Variants in BICRAL observed in about 807,000 individuals in gnomAD.
The protein encoded by BICRAL is BRD4-interacting chromatin-remodeling complex-associated protein-like.
In BICRAL, 8 loss-of-function variants were observed where a neutral mutation model predicts 91.8. The ratio of observed to expected loss-of-function variants is 0.09; its 90% confidence interval spans 0.05 to 0.16. The LOEUF is 0.16. BICRAL is among the 10% of genes least tolerant of loss of function. The pLI is 1.00. For missense variants in BICRAL, 1,038 were observed against 1,310.9 expected, an observed-to-expected ratio of 0.79 and a Z score of 3.21; for synonymous variants, 445 against 491.1, an observed-to-expected ratio of 0.91 and a Z score of 1.24.
At chr6:42,821,879 T>C (rs1764146909) in intron 2 of BICRAL, 139 bp from the exon 3 acceptor site, 1 of 477,982 alleles carries the variant, frequency 2.1e-6, no homozygotes, top group Admixed American at 3.6e-5. Flanking sequence ...AAAATTACAT[T>C]AATATTAAGC....
chr6:42,814,499 GTATA>G (rs1554278814), intron 2 of BICRAL, among the ~76,000 whole-genome samples: 1 of 61,270 alleles, frequency 1.6e-5, no homozygotes, highest in African/African-American at 7.9e-5. Context: ...GTGTGTGTGT[GTATA>G]TATATATATA....
intron 2 of BICRAL, among the ~76,000 whole-genome samples, chr6:42,816,489 C>A (rs6938959): frequency 1 from 152,059 of 152,162 alleles, 75,978 homozygotes; most frequent in Middle Eastern, 1. Flanking sequence ...TGCAGTGGCA[C>A]GATCACGGCT....
At chr6:42,760,613 C>G (rs900731333) in intron 1 of BICRAL, among the ~76,000 whole-genome samples, 1 of 151,808 alleles carries the variant, frequency 6.6e-6, no homozygotes, top group Non-Finnish European at 1.5e-5. Flanking sequence ...GCTATGTTGC[C>G]CAGGCTGGTC....
chr6:42,823,090 A>G (rs1764191215), intron 5 of BICRAL, 87 bp downstream of exon 5: 1 of 758,548 alleles, frequency 1.3e-6, no homozygotes, highest in Non-Finnish European at 2.3e-6. Flanking sequence ...CCTTTGTATC[A>G]TGAGAATCCT....
rs535447829 is a variant in BICRAL, at chr6:42,866,122, T to G, written c.*676T>G. ...ATTGATGGTTCAAGTGCTTTTCTGA[T>G]GCTTCCGGAGCAAAACCTCATGCTT... is the stretch of plus-strand genomic sequence containing the variant. On this transcript the variant is annotated 3_prime_UTR_variant, in exon 13 of 13. Coordinates refer to ENST00000314073, the MANE Select transcript of BICRAL (RefSeq NM_001393499.1). 6.6e-6 allele frequency: 1 copy of G among 152,510 alleles called. No homozygotes were observed. The highest frequency in any genetic ancestry group is 6.5e-5 in the Admixed American group (1 of 15,300). The allele number at this position is 152,510 out of a possible 1,614,324, so 9.4% of individuals were successfully genotyped here.
At position 42,822,975 on chromosome 6, in the gene BICRAL, A is replaced by G. The variant is rs375868433; in HGVS notation, c.131A>G (p.Asn44Ser). ...ACTAATGCAGGATATTCTGCAGCCA[A>G]TTCAAATTCAATTTTCGCCAACTCT... The part of the protein sequence containing the change: ...DLTNAGYSAA[N>S]SNSIFANSSN... Residue 44 changes from asparagine to serine, a missense_variant, in exon 5 of 13, where the codon AAT becomes AGT. By Grantham distance (46) the Asn-to-Ser change is conservative. Transcript: ENST00000314073. 11 of 1,611,288 alleles carry G rather than the reference A, an allele frequency of 6.8e-6. No individual in the cohort carries two copies. In the African/African-American group the frequency reaches 1.1e-4, roughly 16 times the overall value.
chr6:42,779,963 T>C (rs75152407), upstream of BICRAL, among the ~76,000 whole-genome samples: 206 of 152,308 alleles, frequency 1.4e-3, 7 homozygotes, highest in East Asian at 0.038. Flanking sequence ...TCTGTCAGCC[T>C]GCCCATAGCT....
intron 1 of BICRAL, among the ~76,000 whole-genome samples, chr6:42,760,276 T>G (rs1225365778): frequency 1.3e-5 from 2 of 149,692 alleles, no homozygotes; most frequent in Non-Finnish European, 3.0e-5. Context: ...AAAAAAAAAT[T>G]GGGAGGCCGA....
chr6:42,782,784 G>T (rs1418964111), intron 1 of BICRAL, among the ~76,000 whole-genome samples: 3 of 152,014 alleles, frequency 2.0e-5, no homozygotes, highest in Non-Finnish European at 2.9e-5. Flanking sequence ...GCTCGGCGAG[G>T]GGAAGACGGC....
intron 6 of BICRAL, among the ~76,000 whole-genome samples, chr6:42,839,250 G>A (rs1325208827): frequency 1.3e-5 from 2 of 151,708 alleles, no homozygotes; most frequent in Non-Finnish European, 2.9e-5. Flanking sequence ...CATTTTTTTT[G>A]AGTAGCACTG....
chr6:42,841,691 T>C (rs1334198396), intron 6 of BICRAL, among the ~76,000 whole-genome samples: 3 of 152,160 alleles, frequency 2.0e-5, no homozygotes. Flanking sequence ...TTTGAAAATG[T>C]CTCCTATCCA....
At chr6:42,842,177 A>C (rs2113986683) in intron 6 of BICRAL, among the ~76,000 whole-genome samples, 1 of 152,266 alleles carries the variant, frequency 6.6e-6, no homozygotes, top group Middle Eastern at 3.4e-3. Flanking sequence ...TTCTGACTTA[A>C]ATAGTCTGGA....
At chr6:42,830,355 C>T (rs1449367088) in intron 6 of BICRAL, among the ~76,000 whole-genome samples, 183 bp downstream of exon 6, 1 of 152,082 alleles carries the variant, frequency 6.6e-6, no homozygotes, top group Non-Finnish European at 1.5e-5. Flanking sequence ...CACTTGAACC[C>T]AGGAGTTCGA....
chr6:42,855,931 G>A lies in BICRAL; in HGVS notation c.2108+14G>A, dbSNP rs76373914. The A allele has an allele frequency of 6.7e-4, 1,079 of 1,606,360 alleles. 1 individual carries two copies. Among genetic ancestry groups the A allele is most frequent in the African/African-American group, 6.4e-3 (479 of 74,814 alleles). ...GAAAGGAGCTTTGTGAGTTACTCTC[G>A]GAAATGACAAATCAATTCTGAACAC... On this transcript the variant is annotated intron_variant, in intron 9 of 12. Coordinates refer to ENST00000314073, the MANE Select transcript of BICRAL (RefSeq NM_001393499.1).
At chr6:42,758,005 C>T (rs1406423367) in intron 1 of BICRAL, among the ~76,000 whole-genome samples, 1 of 152,188 alleles carries the variant, frequency 6.6e-6, no homozygotes, top group Non-Finnish European at 1.5e-5. Context: ...CTCATGACAC[C>T]AAATCCATAG....
At chr6:42,856,016 A>G (rs764037111) in intron 9 of BICRAL, 99 bp downstream of exon 9, 31 of 960,282 alleles carry the variant, frequency 3.2e-5, no homozygotes, top group Admixed American at 1.8e-4. Flanking sequence ...AATAATGAGT[A>G]TATTAGCCTT....
chr6:42,851,493 G>T lies in BICRAL; in HGVS notation c.1840-599G>T, dbSNP rs560340776. On this transcript the variant is annotated intron_variant, in intron 6 of 12. Transcript: ENST00000314073. ...GAAACACACAACAATTTAAACATTG[G>T]ATTAATTTTTCTAATTATATTTTGC... 1.5e-4 allele frequency among the ~76,000 whole-genome samples: 23 copies of T among 152,118 alleles called. 1 individual carries two copies. The highest frequency in any genetic ancestry group is 1.4e-3 in the Admixed American group (22 of 15,276).
At chr6:42,783,656 G>A (rs1763008328) in intron 1 of BICRAL, among the ~76,000 whole-genome samples, 2 of 152,172 alleles carry the variant, frequency 1.3e-5, no homozygotes, top group South Asian at 4.1e-4. Flanking sequence ...CCTTCCCCAC[G>A]CCCCCAGACC....
At chr6:42,822,747 A>C in intron 3 of BICRAL, 49 bp from the exon 4 acceptor site, 1 of 972,228 alleles carries the variant, frequency 1.0e-6, no homozygotes, top group Non-Finnish European at 1.6e-6. Flanking sequence ...CTAAATATAG[A>C]TAGTATATTT....
Sources: gnomAD v4.1 joint callset for allele counts (sites outside exome capture counted in the v4.1 genomes callset) on GRCh38, gnomAD v4.1.1 for gene constraint, MANE v1.5 for transcripts, NCBI Gene and HGNC (gene_info 2026-07-23, HGNC 2026-07-21) for gene names.